The following IFNGR2 variants were observed in gnomAD, a reference collection of about 807,000 sequenced individuals.
The protein encoded by IFNGR2 is IFN-gamma receptor 2.
Under a neutral mutation model 41.1 loss-of-function variants are expected in IFNGR2, and 15 were observed. The observed-to-expected ratio is 0.37, with a 90% CI of 0.24 to 0.56. IFNGR2 has a LOEUF of 0.56. Among genes scored for constraint, IFNGR2 ranks in the 20% least tolerant of loss-of-function variants. IFNGR2 has a pLI of 0.81. For synonymous variants in IFNGR2, 161 were observed against 171.6 expected (o/e 0.94, Z 0.48); for missense variants, 362 against 415.7 (o/e 0.87, Z 1.12).
At chr21:33,432,148 C>T (rs1365916491) in intron 4 of IFNGR2, 29 bp from the exon 5 acceptor site, 2 of 1,606,270 alleles carry the variant, frequency 1.2e-6, no homozygotes, top group African/African-American at 1.3e-5. Flanking sequence ...TGTTCATTTA[C>T]ATGTGTGCTT....
chr21:33,431,441 G>C (rs1255812909), intron 4 of IFNGR2, among the ~76,000 whole-genome samples: 1 of 152,116 alleles, frequency 6.6e-6, no homozygotes, highest in Non-Finnish European at 1.5e-5. Context: ...ATGATGGTGG[G>C]TGTCTATAAT....
At chr21:33,404,708 C>T (rs1240294078) in intron 1 of IFNGR2, among the ~76,000 whole-genome samples, 1 of 152,118 alleles carries the variant, frequency 6.6e-6, no homozygotes, top group Non-Finnish European at 1.5e-5. Context: ...GGATTACAGG[C>T]TTGAGGCACC....
intron 6 of IFNGR2, among the ~76,000 whole-genome samples, chr21:33,435,915 G>C (rs909020787): frequency 7.5e-6 from 1 of 133,454 alleles, no homozygotes; most frequent in Non-Finnish European, 1.6e-5. Flanking sequence ...AAATTAGCCA[G>C]CCGTGGTGGT....
At chr21:33,425,847 G>A (rs2083831648) in intron 3 of IFNGR2, among the ~76,000 whole-genome samples, 1 of 152,168 alleles carries the variant, frequency 6.6e-6, no homozygotes. Flanking sequence ...AGTGCCCAGG[G>A]GAGAGAATCC....
chr21:33,415,092 C>T, intron 2 of IFNGR2, 72 bp downstream of exon 2: 1 of 1,533,612 alleles, frequency 6.5e-7, no homozygotes, highest in Admixed American at 1.7e-5. Flanking sequence ...GGGCCACATA[C>T]TAGTCCCTGC....
In IFNGR2 at chr21:33,437,013, G is replaced by T. The variant is rs1200947428; in HGVS notation, c.*51G>T. 6.2e-7 allele frequency: 1 copy of T among 1,601,454 alleles called. No homozygotes were observed. On this transcript the variant is annotated 3_prime_UTR_variant, in exon 7 of 7. Transcript: ENST00000290219. Reference sequence around the variant, plus strand: ...GCTCCCTGGAAGAGATCAAGCCATCGGAGCTGCTAGAGTTCTGTCTGGACT... The same window carrying T: ...GCTCCCTGGAAGAGATCAAGCCATCTGAGCTGCTAGAGTTCTGTCTGGACT...
rs763384272 is a variant in IFNGR2 at position 33,436,955 on chromosome 21, C to G, written c.1007C>G (p.Thr336Arg). Residue 336 changes from threonine (T) to arginine (R), a missense_variant, in exon 7 of 7, where the codon ACG (threonine) becomes AGG (arginine). Coordinates refer to ENST00000290219, the MANE Select transcript of IFNGR2 (RefSeq NM_005534.4). ...PEKEQEDVLQ[T>R]L ...AAGGAGCAAGAAGATGTTCTCCAAA[C>G]GCTTTGAACCAAAGCATGGGCCTAG... The G allele has an allele frequency of 5.0e-6, 8 of 1,613,844 alleles. No individual in the cohort carries two copies. Among genetic ancestry groups the G allele is most frequent in the Non-Finnish European group, 4.2e-6 (5 of 1,179,936 alleles).
chr21:33,423,069 T>G (rs572149986), intron 3 of IFNGR2, among the ~76,000 whole-genome samples: 148 of 137,596 alleles, frequency 1.1e-3, no homozygotes, highest in Admixed American at 2.3e-3. Flanking sequence ...AGACGGAGTC[T>G]CTCTCTCTTG....
rs529131519 is a variant in IFNGR2, at chr21:33,433,801, T to TA, written c.879+932dup. ...TTACCACAATTTAATTTTTTTTTTT[T>TA]AATGGCATGGGGTTGGCTAAAAAGG... On this transcript the variant is annotated intron_variant, in intron 6 of 6. Transcript: ENST00000290219. Among the ~76,000 whole-genome samples the TA allele has an allele frequency of 6.0e-3, 908 of 151,850 alleles. 5 individuals carry two copies. Among genetic ancestry groups the TA allele is most frequent in the African/African-American group, 0.021 (865 of 41,370 alleles).
chr21:33,425,511 A>G (rs1329904462), intron 3 of IFNGR2, among the ~76,000 whole-genome samples: 1 of 152,192 alleles, frequency 6.6e-6, no homozygotes. Flanking sequence ...TGCCCAAAGA[A>G]TGTGTCCAAA....
chr21:33,415,118 G>A lies in IFNGR2; in HGVS notation c.206+98G>A, dbSNP rs1049606060. On this transcript the variant is annotated intron_variant, in intron 2 of 6. Coordinates refer to ENST00000290219, the MANE Select transcript of IFNGR2 (RefSeq NM_005534.4). ...TAGTCCCTGCCTCTGTGCAGGGTTT[G>A]TTATCAAACCCGTGGGAAACACATC... 7.1e-6 allele frequency: 10 copies of A among 1,416,910 alleles called. No homozygotes were observed. The East Asian group carries it at 1.6e-4, about 23-fold the overall frequency. The allele number at this position is 1,416,910 out of a possible 1,614,324, so 87.8% of individuals were successfully genotyped here. A position where few individuals can be genotyped will look rare whatever the true frequency, so the allele number is the denominator to read the frequency against.
chr21:33,427,379 A>G (rs903866538), intron 4 of IFNGR2, among the ~76,000 whole-genome samples: 1 of 152,200 alleles, frequency 6.6e-6, no homozygotes, highest in Non-Finnish European at 1.5e-5. Context: ...TCCATGAGGA[A>G]TCCACAACTA....
chr21:33,424,374 C>T (rs980367116), intron 3 of IFNGR2, among the ~76,000 whole-genome samples: 8 of 152,058 alleles, frequency 5.3e-5, no homozygotes, highest in African/African-American at 1.7e-4. Context: ...CAGGATGTAT[C>T]GTGACAGTGG....
In IFNGR2 at chr21:33,426,915, G is replaced by A; in HGVS notation, c.444G>A (p.Val148=). Reference sequence around the variant, plus strand: ...TCGGGCCTCCAGAAAACATTGAGGTGACCCCAGGAGAAGGCTCCCTCATCA... The same window carrying A: ...TCGGGCCTCCAGAAAACATTGAGGTAACCCCAGGAGAAGGCTCCCTCATCA... The part of the protein sequence containing the change: ...VTVGPPENIE[V]TPGEGSLIIR... Residue 148 remains valine (V), a synonymous_variant, in exon 4 of 7, where the codon GTG becomes GTA. Transcript: ENST00000290219. The A allele has an allele frequency of 6.2e-7, 1 of 1,613,606 alleles. No individual in the cohort carries two copies. Among genetic ancestry groups the A allele is most frequent in the Non-Finnish European group, 8.5e-7 (1 of 1,179,832 alleles).
intron 4 of IFNGR2, among the ~76,000 whole-genome samples, chr21:33,429,507 A>C (rs2083867483): frequency 6.6e-6 from 1 of 152,132 alleles, no homozygotes; most frequent in Admixed American, 6.6e-5. Flanking sequence ...CAAAATCGGC[A>C]AAGGGAAGAG....
intron 4 of IFNGR2, among the ~76,000 whole-genome samples, chr21:33,428,680 AAG>A (rs2083860597): frequency 6.6e-6 from 1 of 152,218 alleles, no homozygotes; most frequent in Non-Finnish European, 1.5e-5. Flanking sequence ...CAGAATCCAG[AAG>A]AGAGACTCTG....
intron 1 of IFNGR2, among the ~76,000 whole-genome samples, chr21:33,411,067 A>T (rs952591683): frequency 1.3e-5 from 2 of 152,196 alleles, no homozygotes; most frequent in African/African-American, 4.8e-5. Flanking sequence ...CAGTCTTATC[A>T]CAGATGTGCA....
At chr21:33,405,153 T>C (rs2083669220) in intron 1 of IFNGR2, among the ~76,000 whole-genome samples, 1 of 149,008 alleles carries the variant, frequency 6.7e-6, no homozygotes, top group African/African-American at 2.5e-5. Context: ...TAATGACAAA[T>C]GTGTGGCTAG....
intron 1 of IFNGR2, chr21:33,411,019 G>T: frequency 1.4e-6 from 1 of 719,650 alleles, no homozygotes. Context: ...ACAGAGGCTG[G>T]GCTGCCCAAG....
Sources: allele counts gnomAD v4.1 joint callset (sites outside exome capture counted in the v4.1 genomes callset), GRCh38; gene constraint gnomAD v4.1.1; transcripts MANE v1.5; gene names NCBI Gene and HGNC (gene_info 2026-07-23, HGNC 2026-07-21).